Variants in TOM1L2 observed in about 807,000 individuals in gnomAD.
TOM1L2 encodes the protein TOM1-like protein 2.
Under a neutral mutation model 67.9 loss-of-function variants are expected in TOM1L2, and 31 were observed. The observed-to-expected ratio is 0.46, with a 90% CI of 0.34 to 0.62. The LOEUF (loss-of-function observed/expected upper bound fraction) is 0.62, where lower values mean the gene tolerates loss of function less well. Ranked by LOEUF, TOM1L2 falls within the 20% of genes least tolerant of loss-of-function variation. The probability of loss-of-function intolerance (pLI) is 0.01; values close to 1 mark genes in which losing one functional copy is unlikely to be tolerated. For synonymous variants in TOM1L2, 256 were observed against 254.0 expected, an observed-to-expected ratio of 1.01 and a Z score of -0.07; for missense variants, 606 against 663.5, an observed-to-expected ratio of 0.91 and a Z score of 0.95.
intron 1 of TOM1L2, among the ~76,000 whole-genome samples, chr17:17,921,425 T>C (rs1343789735): frequency 1.3e-5 from 2 of 152,232 alleles, no homozygotes; most frequent in Non-Finnish European, 2.9e-5. Flanking sequence ...GCAGAGCCAC[T>C]GGTATTTGAT....
At chr17:17,920,479 T>G (rs1383672054) in intron 1 of TOM1L2, among the ~76,000 whole-genome samples, 1 of 151,472 alleles carries the variant, frequency 6.6e-6, no homozygotes, top group Admixed American at 6.6e-5. Context: ...CAGCTGGGAC[T>G]ACATGTGTCT....
At chr17:17,864,583 C>T (rs1338412269) in intron 10 of TOM1L2, among the ~76,000 whole-genome samples, 1 of 151,660 alleles carries the variant, frequency 6.6e-6, no homozygotes. Context: ...ACAATCTCGG[C>T]TCACTGCAAC....
chr17:17,921,648 T>C (rs1398304633), intron 1 of TOM1L2, among the ~76,000 whole-genome samples: 1 of 150,812 alleles, frequency 6.6e-6, no homozygotes, highest in African/African-American at 2.4e-5. Context: ...TGTGCTCTAA[T>C]GTCAGACAGG....
At chr17:17,903,990 G>GATTATTATTATTATTATTATT (rs58881326) in intron 2 of TOM1L2, among the ~76,000 whole-genome samples, 90 of 151,470 alleles carry the variant, frequency 5.9e-4, no homozygotes, top group African/African-American at 2.1e-3. Flanking sequence ...CTCAGGAAGA[G>GATTATTATTATTATTATTATT]ATTATTATTA....
At chr17:17,909,399 GATT>G (rs1482860157) in intron 1 of TOM1L2, among the ~76,000 whole-genome samples, 1 of 152,082 alleles carries the variant, frequency 6.6e-6, no homozygotes, top group African/African-American at 2.4e-5. Context: ...ACATATAATG[GATT>G]ATTATTCAGC....
chr17:17,881,886 G>A (rs1041377716), intron 6 of TOM1L2, among the ~76,000 whole-genome samples: 1 of 152,220 alleles, frequency 6.6e-6, no homozygotes, highest in Non-Finnish European at 1.5e-5. Context: ...TGACCCCTCT[G>A]CTTCAGTGAG....
In TOM1L2 at chr17:17,847,407, G is replaced by C; in HGVS notation, c.*228C>G. The C allele has an allele frequency of 1.7e-6, 1 of 594,768 alleles. No individual in the cohort carries two copies. Among genetic ancestry groups the C allele is most frequent in the South Asian group, 2.1e-5 (1 of 47,522 alleles). 36.8% of individuals were successfully genotyped at this position (594,768 alleles called of 1,614,324 possible). On this transcript the variant is annotated 3_prime_UTR_variant, in exon 15 of 15. Coordinates refer to ENST00000379504, the MANE Select transcript of TOM1L2 (RefSeq NM_001082968.2). ...GGAAACATGGGCAGAGGGGCCCATG[G>C]TGGGAGGGGAGAGAGTCTCTGGCTG...
At chr17:17,929,528 G>A (rs1186720336) in intron 1 of TOM1L2, among the ~76,000 whole-genome samples, 1 of 152,122 alleles carries the variant, frequency 6.6e-6, no homozygotes, top group East Asian at 1.9e-4. Flanking sequence ...CTACTCAGGA[G>A]GCCGAGGCAG....
At position 17,946,731 on chromosome 17, in the gene TOM1L2, A is replaced by AT. The variant is rs1007098329; in HGVS notation, c.52+25530dup. The stretch of plus-strand genomic sequence containing the variant: ...TTATATTGGTCTAAGTATTGATCTA[A>AT]TTTTTTTTTTTAAGACAGAGTCTCA... On this transcript the variant is annotated intron_variant, in intron 1 of 14. Coordinates refer to ENST00000379504, the MANE Select transcript of TOM1L2 (RefSeq NM_001082968.2). Among the ~76,000 whole-genome samples the AT allele has an allele frequency of 1.3e-3, 186 of 147,906 alleles. 2 individuals are homozygous for AT. The highest frequency in any genetic ancestry group is 3.7e-3 in the African/African-American group (150 of 40,468).
At chr17:17,891,460 G>A (rs974404272) in intron 4 of TOM1L2, among the ~76,000 whole-genome samples, 3 of 152,150 alleles carry the variant, frequency 2.0e-5, no homozygotes, top group African/African-American at 7.2e-5. Context: ...GCATCCTCAG[G>A]GTAGAGGTGT....
chr17:17,863,467 T>C (rs2036671159), intron 10 of TOM1L2: 1 of 151,832 alleles, frequency 6.6e-6, no homozygotes, highest in African/African-American at 2.4e-5. Context: ...GGCCAGGGTG[T>C]GTGAAGTGAA....
chr17:17,946,726 A>T (rs2040967371), intron 1 of TOM1L2, among the ~76,000 whole-genome samples: 1 of 151,858 alleles, frequency 6.6e-6, no homozygotes, highest in Non-Finnish European at 1.5e-5. Flanking sequence ...CTAAGTATTG[A>T]TCTAATTTTT....
chr17:17,872,662 A>C (rs2037210972), intron 7 of TOM1L2, among the ~76,000 whole-genome samples: 1 of 152,222 alleles, frequency 6.6e-6, no homozygotes, highest in South Asian at 2.1e-4. Context: ...GTGCCAACAC[A>C]CATGAGGACC....
chr17:17,944,345 A>G (rs898084958), intron 1 of TOM1L2, among the ~76,000 whole-genome samples: 1 of 152,234 alleles, frequency 6.6e-6, no homozygotes, highest in Non-Finnish European at 1.5e-5. Flanking sequence ...GCCCTTCATG[A>G]GTCTGTAAGC....
intron 10 of TOM1L2, among the ~76,000 whole-genome samples, chr17:17,865,469 C>T (rs537095847): frequency 2.4e-4 from 37 of 151,918 alleles, no homozygotes; most frequent in Admixed American, 1.2e-3. Flanking sequence ...CTCTGCTTCC[C>T]GGGTTCAAGC....
At chr17:17,917,653 T>G (rs949159653) in intron 1 of TOM1L2, among the ~76,000 whole-genome samples, 1 of 140,324 alleles carries the variant, frequency 7.1e-6, no homozygotes, top group Non-Finnish European at 1.5e-5. Flanking sequence ...TTGGGTAGTG[T>G]TGTCATCTTA....
chr17:17,955,345 TTTTTTG>T (rs2041390335), intron 1 of TOM1L2, among the ~76,000 whole-genome samples: 1 of 146,336 alleles, frequency 6.8e-6, no homozygotes. Flanking sequence ...TTTTTTTTTT[TTTTTTG>T]TTTTTGAGAC....
At chr17:17,877,458 T>C (rs948018580) in intron 7 of TOM1L2, among the ~76,000 whole-genome samples, 2 of 152,186 alleles carry the variant, frequency 1.3e-5, no homozygotes, top group Non-Finnish European at 2.9e-5. Context: ...ACATTCTGAT[T>C]CCAGCACTTT....
chr17:17,857,563 G>A (rs959562158), intron 12 of TOM1L2, among the ~76,000 whole-genome samples: 11 of 152,226 alleles, frequency 7.2e-5, no homozygotes, highest in African/African-American at 2.4e-4. Flanking sequence ...GGGACAGGGA[G>A]GTATTTTTGG....
Sources: allele counts gnomAD v4.1 joint callset (sites outside exome capture counted in the v4.1 genomes callset), GRCh38; gene constraint gnomAD v4.1.1; transcripts MANE v1.5; gene names NCBI Gene and HGNC (gene_info 2026-07-23, HGNC 2026-07-21).